TXNL4A: variants seen among roughly 807,000 people sequenced by gnomAD.
TXNL4A encodes thioredoxin-like protein 4A.
TXNL4A carries 17 observed loss-of-function variants against 14.6 expected under a neutral mutation model. The observed-to-expected ratio is 1.16, with a 90% CI of 0.80 to 1.74. The LOEUF (loss-of-function observed/expected upper bound fraction) is 1.74, where lower values mean the gene tolerates loss of function less well. Ranked by LOEUF, TXNL4A falls within the 40% of genes most tolerant of loss-of-function variation. The pLI is 0.00. For missense variants in TXNL4A, 74 were observed against 195.2 expected, an observed-to-expected ratio of 0.38 and a Z score of 3.70; for synonymous variants, 83 against 70.6, an observed-to-expected ratio of 1.18 and a Z score of -0.88.
intron 1 of TXNL4A, among the ~76,000 whole-genome samples, chr18:80,018,467 G>A (rs554230466): frequency 3.0e-4 from 46 of 152,126 alleles, no homozygotes; most frequent in African/African-American, 1.1e-3. Flanking sequence ...CTAGCAGAAG[G>A]CAAGAAATAA....
At chr18:79,986,094 C>T (rs1054826695) in intron 1 of TXNL4A, among the ~76,000 whole-genome samples, 41 of 151,218 alleles carry the variant, frequency 2.7e-4, no homozygotes, top group Non-Finnish European at 4.6e-4. Context: ...GGCTGGAGTT[C>T]AGTGGTGTAA....
chr18:80,031,466 G>C (rs1343639255), intron 1 of TXNL4A, among the ~76,000 whole-genome samples: 2 of 152,210 alleles, frequency 1.3e-5, no homozygotes, highest in East Asian at 1.9e-4. Context: ...GAGTAATTCA[G>C]ACCCTGCCAA....
intron 1 of TXNL4A, among the ~76,000 whole-genome samples, chr18:79,987,898 G>C (rs1036619090): frequency 6.6e-6 from 1 of 152,228 alleles, no homozygotes; most frequent in Non-Finnish European, 1.5e-5. Context: ...TTAAATTAAG[G>C]ATCCGCGCTC....
intron 1 of TXNL4A, among the ~76,000 whole-genome samples, chr18:79,986,963 G>A (rs527239388): frequency 6.6e-6 from 1 of 152,322 alleles, no homozygotes; most frequent in East Asian, 1.9e-4. Context: ...CAGCGTGTGA[G>A]AGAACTGCTG....
At chr18:80,004,323 G>A (rs1487859170) in intron 1 of TXNL4A, among the ~76,000 whole-genome samples, 2 of 152,154 alleles carry the variant, frequency 1.3e-5, no homozygotes, top group South Asian at 2.1e-4. Context: ...CTCTGGGACC[G>A]TGGCTCTCAG....
chr18:80,012,823 C>T (rs2051778864), intron 1 of TXNL4A, among the ~76,000 whole-genome samples: 1 of 152,100 alleles, frequency 6.6e-6, no homozygotes. Flanking sequence ...CAGATTACTT[C>T]CATTAAATTT....
chr18:80,023,049 T>C (rs966809678), intron 1 of TXNL4A, among the ~76,000 whole-genome samples: 16 of 152,238 alleles, frequency 1.1e-4, no homozygotes, highest in African/African-American at 3.1e-4. Flanking sequence ...TGGCTTCCCC[T>C]GCTATGGCCC....
rs2051441478 is a variant in TXNL4A at position 79,980,140 on chromosome 18, A to AG, written c.154-2440dup. ...GCTCTGGGGGCATCGAGGACTGCAG[A>AG]GGCGTCTACAAGCCTAGGAGCTCCA... On this transcript the variant is annotated intron_variant, in intron 1 of 2. Coordinates refer to ENST00000269601, the MANE Select transcript of TXNL4A (RefSeq NM_006701.5). Among the ~76,000 whole-genome samples the AG allele has an allele frequency of 2.0e-5, 3 of 152,202 alleles. 1 individual carries two copies. The highest frequency in any genetic ancestry group is 2.0e-4 in the Admixed American group (3 of 15,284).
At chr18:80,009,942 C>A (rs946364639) in intron 1 of TXNL4A, among the ~76,000 whole-genome samples, 1 of 152,134 alleles carries the variant, frequency 6.6e-6, no homozygotes, top group Non-Finnish European at 1.5e-5. Context: ...ACCATTTTGC[C>A]TCTTGGTGCC....
upstream of TXNL4A, among the ~76,000 whole-genome samples, chr18:79,988,754 G>C (rs2051599635): frequency 6.6e-6 from 1 of 152,000 alleles, no homozygotes; most frequent in Admixed American, 6.5e-5. Context: ...CCTCCCCAGC[G>C]TCCAGGCGGC....
chr18:79,990,900 C>G (rs570900427), upstream of TXNL4A, among the ~76,000 whole-genome samples: 10 of 150,916 alleles, frequency 6.6e-5, no homozygotes, highest in African/African-American at 2.4e-4. Flanking sequence ...GTCAGGAGAT[C>G]GAGACCATCC....
At chr18:80,033,200 T>C (rs1487674532) in intron 1 of TXNL4A, among the ~76,000 whole-genome samples, 3 of 152,130 alleles carry the variant, frequency 2.0e-5, no homozygotes, top group African/African-American at 7.2e-5. Flanking sequence ...CACACACATA[T>C]ATACGCGCAC....
At chr18:79,973,946 C>A in intron 2 of TXNL4A, 90 bp from the exon 3 acceptor site, 1 of 1,543,592 alleles carries the variant, frequency 6.5e-7, no homozygotes, top group Non-Finnish European at 8.8e-7. Flanking sequence ...CCCACTGTGA[C>A]AAGCTCTTGT....
In TXNL4A at chr18:80,015,606, G is replaced by A. The variant is rs547354086; in HGVS notation, c.-61+18245C>T. The stretch of plus-strand genomic sequence containing the variant: ...AATTCCCATCTATAAGTGAGAACAT[G>A]CGGTGTTTGGTTTTTTGTCCTTGTG... On this transcript the variant is annotated intron_variant, in intron 1 of 2. Coordinates refer to the TXNL4A transcript ENST00000585474. Among the ~76,000 whole-genome samples the A allele has an allele frequency of 2.6e-5, 4 of 151,314 alleles. No homozygotes were observed. In the East Asian group the frequency reaches 7.8e-4, roughly 30 times the overall value.
intron 1 of TXNL4A, among the ~76,000 whole-genome samples, chr18:80,017,636 T>A (rs12955354): frequency 1.8e-4 from 27 of 150,874 alleles, no homozygotes; most frequent in South Asian, 4.2e-4. Flanking sequence ...GGTTTTTGTC[T>A]TTGGTTCTGT....
chr18:80,023,203 T>C (rs2051861481), intron 1 of TXNL4A, among the ~76,000 whole-genome samples: 1 of 152,180 alleles, frequency 6.6e-6, no homozygotes, highest in South Asian at 2.1e-4. Flanking sequence ...CTTCCTTTGA[T>C]GGGGACAGTA....
intron 1 of TXNL4A, among the ~76,000 whole-genome samples, chr18:80,025,732 C>T (rs1326661423): frequency 6.6e-6 from 1 of 152,240 alleles, no homozygotes; most frequent in Non-Finnish European, 1.5e-5. Flanking sequence ...CCAGGTCATT[C>T]AGACCTTTAT....
upstream of TXNL4A, among the ~76,000 whole-genome samples, chr18:79,991,303 CT>C (rs1568371530): frequency 6.6e-6 from 1 of 152,044 alleles, no homozygotes; most frequent in East Asian, 1.9e-4. Flanking sequence ...CCCTCAGCCC[CT>C]GGCAATCACT....
intron 1 of TXNL4A, among the ~76,000 whole-genome samples, chr18:80,024,202 TC>T (rs1261323860): frequency 6.7e-6 from 1 of 150,000 alleles, no homozygotes; most frequent in Non-Finnish European, 1.5e-5. Context: ...AAAAAAAAAC[TC>T]CCTTTTTGTG....
Sources: allele counts gnomAD v4.1 joint callset (sites outside exome capture counted in the v4.1 genomes callset), GRCh38; gene constraint gnomAD v4.1.1; transcripts MANE v1.5; gene names NCBI Gene and HGNC (gene_info 2026-07-23, HGNC 2026-07-21).